Variants in LRBA observed in about 807,000 individuals in gnomAD.
LRBA encodes the protein LPS responsive beige-like anchor protein, also known as lipopolysaccharide-responsive and beige-like anchor protein.
LRBA carries 176 observed loss-of-function variants against 330.0 expected under a neutral mutation model. The observed-to-expected ratio is 0.53, with a 90% confidence interval of 0.47 to 0.60. The LOEUF is 0.60. Among genes scored for constraint, LRBA ranks in the 20% least tolerant of loss-of-function variants. LRBA has a pLI of 0.00. For synonymous variants in LRBA, 1,230 were observed against 1,193.0 expected (o/e 1.03, Z -0.64); for missense variants, 3,259 against 3,444.8 (o/e 0.95, Z 1.35).
intron 44 of LRBA, among the ~76,000 whole-genome samples, chr4:150,439,527 T>C (rs1751544636): frequency 6.6e-6 from 1 of 152,054 alleles, no homozygotes; most frequent in African/African-American, 2.4e-5. Flanking sequence ...CCAGTGGAGC[T>C]GTGCAATGAC....
chr4:150,483,226 T>G (rs1206648579), intron 42 of LRBA, among the ~76,000 whole-genome samples: 1 of 151,992 alleles, frequency 6.6e-6, no homozygotes, highest in African/African-American at 2.4e-5. Flanking sequence ...CAATTGTTCA[T>G]CATCATTTGT....
At chr4:150,669,430 C>G (rs1781850179) in intron 37 of LRBA, among the ~76,000 whole-genome samples, 1 of 152,136 alleles carries the variant, frequency 6.6e-6, no homozygotes, top group Non-Finnish European at 1.5e-5. Context: ...TCCCAAACTG[C>G]AGTTAGTTAT....
intron 40 of LRBA, among the ~76,000 whole-genome samples, chr4:150,536,094 C>A (rs890702075): frequency 3.9e-5 from 6 of 152,098 alleles, no homozygotes; most frequent in African/African-American, 1.4e-4. Flanking sequence ...GTAGGACACT[C>A]TACAGAACAA....
Position 150,471,719 on chromosome 4 carries a change from G to A in LRBA, c.6572C>T (p.Pro2191Leu), listed in dbSNP as rs1331495915. 1.3e-6 allele frequency: 2 copies of A among 1,577,762 alleles called. No homozygotes were observed. Among genetic ancestry groups the A allele is most frequent in the East Asian group, 2.3e-5 (1 of 44,172 alleles). Residue 2191 changes from proline to leucine, a missense_variant, in exon 43 of 57, where the codon CCA becomes CTA. Coordinates refer to ENST00000651943, the MANE Select transcript of LRBA (RefSeq NM_001364905.1). ...PQTRRISLAS[P>L]RQLFKASNMT... is the part of the protein sequence containing the mutation. ...ATTAGAAGCCTTAAAAAGCTGACGT[G>A]GACTAGCTAATGAAATACGTCTGCA...
At chr4:150,282,745 C>CTA in intron 54 of LRBA, 99 bp from the exon 55 acceptor site, 1 of 824,660 alleles carries the variant, frequency 1.2e-6, no homozygotes, top group Non-Finnish European at 1.8e-6. Flanking sequence ...TAGAACCACA[C>CTA]TATAGATGTA....
intron 56 of LRBA, among the ~76,000 whole-genome samples, chr4:150,276,988 G>A (rs528975289): frequency 1.6e-4 from 24 of 152,124 alleles, no homozygotes; most frequent in South Asian, 6.2e-4. Flanking sequence ...TGTTTATTGC[G>A]GCACTATTCA....
intron 52 of LRBA, among the ~76,000 whole-genome samples, chr4:150,309,433 G>C (rs1730775196): frequency 6.6e-6 from 1 of 152,128 alleles, no homozygotes; most frequent in Non-Finnish European, 1.5e-5. Context: ...CACGACTGTA[G>C]ATCAATTAGC....
intron 47 of LRBA, among the ~76,000 whole-genome samples, chr4:150,411,932 C>T (rs1405570455): frequency 1.3e-5 from 2 of 151,934 alleles, no homozygotes; most frequent in African/African-American, 4.8e-5. Flanking sequence ...ATATGCTAAC[C>T]AATACATAAG....
chr4:150,851,609 T>C (rs1750628023), intron 23 of LRBA, among the ~76,000 whole-genome samples: 1 of 152,230 alleles, frequency 6.6e-6, no homozygotes, highest in Non-Finnish European at 1.5e-5. Flanking sequence ...GTTTCCAATA[T>C]TTGTTTTATA....
chr4:150,398,472 T>C (rs1745043246), intron 47 of LRBA, among the ~76,000 whole-genome samples: 1 of 152,172 alleles, frequency 6.6e-6, no homozygotes, highest in Non-Finnish European at 1.5e-5. Flanking sequence ...AAATAACTAT[T>C]GCATTTGGTA....
At chr4:150,457,259 T>C (rs1228936674) in intron 44 of LRBA, among the ~76,000 whole-genome samples, 1 of 152,100 alleles carries the variant, frequency 6.6e-6, no homozygotes, top group Non-Finnish European at 1.5e-5. Flanking sequence ...ATTAAGCTAC[T>C]GAAAAATGTT....
chr4:150,840,925 G>A (rs762413154), intron 28 of LRBA: 2 of 1,111,520 alleles, frequency 1.8e-6, no homozygotes, highest in South Asian at 3.3e-5. Flanking sequence ...GATATAATCA[G>A]TTTCAGAAAA....
intron 53 of LRBA, among the ~76,000 whole-genome samples, chr4:150,291,568 AAAC>A (rs1728300384): frequency 1.5e-5 from 1 of 64,636 alleles, no homozygotes; most frequent in Non-Finnish European, 3.2e-5. Context: ...AAAAGTCAGG[AAAC>A]AACAGGTGCT....
At chr4:150,633,627 A>C (rs1777595575) in intron 37 of LRBA, among the ~76,000 whole-genome samples, 1 of 152,174 alleles carries the variant, frequency 6.6e-6, no homozygotes, top group Admixed American at 6.5e-5. Context: ...CATAACACTA[A>C]TCATGTTCCC....
intron 53 of LRBA, among the ~76,000 whole-genome samples, chr4:150,290,407 T>C (rs1020498525): frequency 3.9e-5 from 6 of 152,230 alleles, no homozygotes; most frequent in Non-Finnish European, 7.3e-5. Flanking sequence ...CTTTGCTTTC[T>C]GAGATAGTAG....
intron 33 of LRBA, among the ~76,000 whole-genome samples, chr4:150,805,496 A>AAAGGAGG (rs1694742740): frequency 8.5e-6 from 1 of 118,204 alleles, no homozygotes; most frequent in Non-Finnish European, 1.8e-5. Context: ...AGGAAAGGAG[A>AAAGGAGG]AGGAGGAGAA....
chr4:150,548,628 A>T (rs2152240833), intron 40 of LRBA, among the ~76,000 whole-genome samples: 1 of 152,304 alleles, frequency 6.6e-6, no homozygotes, highest in Non-Finnish European at 1.5e-5. Context: ...TGTTAAAAAC[A>T]GATTTAAAAA....
chr4:150,445,371 C>CTATA (rs1561188450), intron 44 of LRBA, among the ~76,000 whole-genome samples: 1 of 84,386 alleles, frequency 1.2e-5, no homozygotes, highest in African/African-American at 4.5e-5. Flanking sequence ...CTCTCTCTCT[C>CTATA]TCTCTCTATA....
chr4:150,815,674 A>G (rs1465024877), intron 31 of LRBA, among the ~76,000 whole-genome samples: 1 of 152,006 alleles, frequency 6.6e-6, no homozygotes, highest in Non-Finnish European at 1.5e-5. Flanking sequence ...AAGAATAAAA[A>G]TAATACAAGA....
Sources: allele counts gnomAD v4.1 joint callset (sites outside exome capture counted in the v4.1 genomes callset), GRCh38; gene constraint gnomAD v4.1.1; transcripts MANE v1.5; gene names NCBI Gene and HGNC (gene_info 2026-07-23, HGNC 2026-07-21).